Variants in CES2 observed in about 807,000 individuals in gnomAD.
CES2 encodes carboxylesterase 2.
A neutral mutation model predicts 52.1 loss-of-function variants in CES2; 42 were observed. That is an observed-to-expected ratio of 0.81 (90% confidence interval 0.63 to 1.04). CES2 has a LOEUF of 1.04. CES2 is among the 50% of genes least tolerant of loss of function. CES2 has a pLI of 0.00. For synonymous variants in CES2, 277 were observed against 289.6 expected (o/e 0.96, Z 0.44); for missense variants, 656 against 724.3 (o/e 0.91, Z 1.08).
rs750392264 is a variant in CES2 at position 66,942,672 on chromosome 16, A to G, written c.1307A>G (p.Tyr436Cys). The stretch of plus-strand genomic sequence containing the variant: ...GGTTCCCGGGCCCCTGTGTACTTCT[A>G]CGAGTTCCAGCATCAGCCCAGCTGG... ...FQCSRAPVYFYEFQHQPSWLK... is the reference protein window; with the variant it reads ...FQCSRAPVYFCEFQHQPSWLK... Residue 436 changes from tyrosine (Y) to cysteine (C), a missense_variant, in exon 10 of 12, where the codon TAC (tyrosine) becomes TGC (cysteine). By Grantham distance (194) the Tyr-to-Cys change is radical. Transcript: ENST00000317091. The G allele has an allele frequency of 5.3e-5, 85 of 1,614,078 alleles. No individual in the cohort carries two copies. Among genetic ancestry groups the G allele is most frequent in the East Asian group, 8.9e-5 (4 of 44,898 alleles).
In CES2 at chr16:66,938,398, A is replaced by G. The variant is rs539420272; in HGVS notation, c.281+157A>G. 118 of 628,610 alleles carry G rather than the reference A, an allele frequency of 1.9e-4. No homozygotes were observed. The African/African-American group carries it at 1.9e-3, about 10-fold the overall frequency. 38.9% of individuals were successfully genotyped at this position (628,610 alleles called of 1,614,324 possible). ...TCCCACGTGCATTTTTCCAATGAGCATGCTGAGGCTCAGGAGGGCAGAATA... is the reference window on the plus strand; with the variant it reads ...TCCCACGTGCATTTTTCCAATGAGCGTGCTGAGGCTCAGGAGGGCAGAATA... On this transcript the variant is annotated intron_variant, in intron 2 of 11. Coordinates refer to ENST00000317091, the MANE Select transcript of CES2 (RefSeq NM_001365405.1).
At chr16:66,941,744 A>G (rs1301937301) in intron 7 of CES2, 24 bp from the exon 8 acceptor site, 5 of 1,613,950 alleles carry the variant, frequency 3.1e-6, no homozygotes, top group Non-Finnish European at 4.2e-6. Flanking sequence ...ATCCCCAGCT[A>G]CAGACTCTCT....
At chr16:66,935,441 C>T, upstream of CES2, 2 of 1,597,562 alleles carry the variant, frequency 1.3e-6, no homozygotes, top group Non-Finnish European at 1.7e-6. Context: ...TCCCCACCCA[C>T]CTATGACTGC....
At chr16:66,937,892 A>G in intron 1 of CES2, 145 bp from the exon 2 acceptor site, 1 of 682,500 alleles carries the variant, frequency 1.5e-6, no homozygotes, top group Non-Finnish European at 2.6e-6. Context: ...AGGGAGTGTT[A>G]CAGGCAGGAA....
chr16:66,935,182 A>G (rs1963168344), upstream of CES2: 1 of 412,318 alleles, frequency 2.4e-6, no homozygotes, highest in Non-Finnish European at 4.3e-6. Context: ...GTTCCTTCCC[A>G]TTTCTCCATC....
chr16:66,939,498 C>G, intron 3 of CES2, 140 bp downstream of exon 3: 1 of 885,586 alleles, frequency 1.1e-6, no homozygotes, highest in Non-Finnish European at 1.7e-6. Flanking sequence ...AGAAATGCTC[C>G]TTACCCAGAC....
chr16:66,943,671 C>A lies in CES2; in HGVS notation c.1494-168C>A. 1.7e-6 allele frequency: 1 copy of A among 602,442 alleles called. No individual in the cohort carries two copies. Among genetic ancestry groups the A allele is most frequent in the Non-Finnish European group, 2.9e-6 (1 of 344,806 alleles). 37.3% of individuals were successfully genotyped at this position (602,442 alleles called of 1,614,324 possible). A position where few individuals can be genotyped will look rare whatever the true frequency, so the allele number is the denominator to read the frequency against. On this transcript the variant is annotated intron_variant, in intron 11 of 11. Coordinates refer to ENST00000317091, the MANE Select transcript of CES2 (RefSeq NM_001365405.1). The surrounding 1 kb of genome is among the most constrained non-coding windows in gnomAD (Gnocchi z 4.2). ...CCCCCAACCCCCACTGGTGCTGACA[C>A]TAGCCAGAGGGAGCTTATTTCCTGT... is the stretch of plus-strand genomic sequence containing the variant.
At chr16:66,941,384 G>A (rs1963359383) in intron 6 of CES2, 122 bp from the exon 7 acceptor site, 8 of 1,521,202 alleles carry the variant, frequency 5.3e-6, no homozygotes, top group Non-Finnish European at 7.1e-6. Flanking sequence ...GAGCCAAACA[G>A]TAATCTCCTG....
rs2145513445 is a variant in CES2 at position 66,944,408 on chromosome 16, GAAAAC to G, written c.*388_*392del. The stretch of plus-strand genomic sequence containing the variant: ...GTAAAAAAGATTTTTAAAAAGCAAA[GAAAAC>G]AAAATATAAGGGAAAAATATGAGAA... On this transcript the variant is annotated 3_prime_UTR_variant, in exon 12 of 12. Transcript: ENST00000317091. 1 of 159,324 alleles carries G rather than the reference GAAAAC, an allele frequency of 6.3e-6. No individual in the cohort carries two copies. The highest frequency in any genetic ancestry group is 2.1e-4 in the South Asian group (1 of 4,868). 9.9% of individuals were successfully genotyped at this position (159,324 alleles called of 1,614,324 possible).
intron 1 of CES2, chr16:66,936,012 G>A (rs1200779719): frequency 8.9e-6 from 12 of 1,345,414 alleles, no homozygotes. Context: ...TGAGGGATTG[G>A]GGTGTGGGGA....
intron 8 of CES2, 117 bp downstream of exon 8, chr16:66,941,965 G>GGT: frequency 6.5e-7 from 1 of 1,533,104 alleles, no homozygotes; most frequent in Non-Finnish European, 8.9e-7. Context: ...CAAAGGCCTG[G>GGT]GTGTGTGTGT....
chr16:66,942,593 G>A, intron 9 of CES2, 55 bp from the exon 10 acceptor site: 1 of 1,604,246 alleles, frequency 6.2e-7, no homozygotes, highest in Non-Finnish European at 8.5e-7. Context: ...CCATGGGTGA[G>A]GCAAGAAGTC....
rs921908342 is a variant in CES2, at chr16:66,941,280, G to A, written c.915+58G>A. 1.9e-6 allele frequency: 3 copies of A among 1,590,918 alleles called. No individual in the cohort carries two copies. The African/African-American group carries it at 4.0e-5, about 21-fold the overall frequency. ...GGGTGCAATAGGCATGGGGCTGGCAGGCCTGCACGGCCGTCATATTCCCTG... is the reference window on the plus strand; with the variant it reads ...GGGTGCAATAGGCATGGGGCTGGCAAGCCTGCACGGCCGTCATATTCCCTG... On this transcript the variant is annotated intron_variant, in intron 6 of 11. Transcript: ENST00000317091.
chr16:66,940,847 G>C (rs1963346910), intron 5 of CES2, 152 bp downstream of exon 5: 1 of 1,161,466 alleles, frequency 8.6e-7, no homozygotes, highest in East Asian at 2.6e-5. Context: ...TCCAGGGTCA[G>C]AATTCACATC....
At position 66,941,822 on chromosome 16, in the gene CES2, G is replaced by A; in HGVS notation, c.1111G>A (p.Ala371Thr). 1 of 1,614,152 alleles carries A rather than the reference G, an allele frequency of 6.2e-7. No homozygotes were observed. Among genetic ancestry groups the A allele is most frequent in the Non-Finnish European group, 8.5e-7 (1 of 1,180,008 alleles). Residue 371 changes from alanine (A) to threonine (T), a missense_variant, in exon 8 of 12, where the codon GCT (alanine) becomes ACT (threonine). Coordinates refer to ENST00000317091, the MANE Select transcript of CES2 (RefSeq NM_001365405.1). ...KEMDREASQA[A>T]LQKMLTLLML... ...AATGGACAGAGAGGCCTCCCAGGCT[G>A]CTCTGCAGAAAATGTTAACGCTGCT...
In CES2 at chr16:66,943,285, C is replaced by T; in HGVS notation, c.1421-14C>T. 1 of 1,613,850 alleles carries T rather than the reference C, an allele frequency of 6.2e-7. No individual in the cohort carries two copies. The highest frequency in any genetic ancestry group is 8.5e-7 in the Non-Finnish European group (1 of 1,179,836). On this transcript the variant is annotated splice_polypyrimidine_tract_variant and intron_variant, in intron 10 of 11. Transcript: ENST00000317091. The surrounding 1 kb of genome is among the most constrained non-coding windows in gnomAD (Gnocchi z 4.2). ...ACATCCTGATGAAGACACATGTCCT[C>T]TTCCTCTTGGCAGTTAAATTCACTG...
chr16:66,944,143 T>C lies in CES2; in HGVS notation c.*118T>C. 2 of 532,854 alleles carry C rather than the reference T, an allele frequency of 3.8e-6. No homozygotes were observed. Among genetic ancestry groups the C allele is most frequent in the Non-Finnish European group, 6.5e-6 (2 of 306,630 alleles). The allele number at this position is 532,854 out of a possible 1,614,324, so 33.0% of individuals were successfully genotyped here. ...TTCCTTCATTCACTTCGCCATTCAT[T>C]CATACTTCCGTCCATCCATTCAGAA... On this transcript the variant is annotated 3_prime_UTR_variant, in exon 12 of 12. Coordinates refer to ENST00000317091, the MANE Select transcript of CES2 (RefSeq NM_001365405.1).
intron 5 of CES2, 135 bp from the exon 6 acceptor site, chr16:66,940,989 C>A: frequency 7.8e-7 from 1 of 1,276,274 alleles, no homozygotes; most frequent in Non-Finnish European, 1.1e-6. Flanking sequence ...TGAGTTGGAA[C>A]AGTGTCAGAA....
At position 66,938,108 on chromosome 16, in the gene CES2, G is replaced by T; in HGVS notation, c.148G>T (p.Gly50Cys). 2 of 1,614,134 alleles carry T rather than the reference G, an allele frequency of 1.2e-6. No individual in the cohort carries two copies. The highest frequency in any genetic ancestry group is 4.5e-5 in the East Asian group (2 of 44,878). Residue 50 changes from glycine to cysteine, a missense_variant, in exon 2 of 12, where the codon GGC (glycine) becomes TGC (cysteine). By Grantham distance (159) the Gly-to-Cys change is radical. Coordinates refer to ENST00000317091, the MANE Select transcript of CES2 (RefSeq NM_001365405.1). ...GCTGGGGAGTCTTGTCCATGTGAAGGGCGCCAATGCCGGGGTCCAAACCTT... is the reference window on the plus strand; with the variant it reads ...GCTGGGGAGTCTTGTCCATGTGAAGTGCGCCAATGCCGGGGTCCAAACCTT... ...QVLGSLVHVK[G>C]ANAGVQTFLG... is the part of the protein sequence containing the mutation.
Sources: gnomAD v4.1 joint callset for allele counts on GRCh38, gnomAD v4.1.1 for gene constraint, Gnocchi (gnomAD v3.1) non-coding constraint, MANE v1.5 for transcripts, NCBI Gene and HGNC (gene_info 2026-07-23, HGNC 2026-07-21) for gene names.